Variants in NCOR2 observed in about 807,000 individuals in gnomAD.
The protein encoded by NCOR2 is nuclear receptor corepressor 2.
NCOR2 carries 81 observed loss-of-function variants against 262.9 expected under a neutral mutation model. That is an observed-to-expected ratio of 0.31 (90% CI 0.26 to 0.37). The LOEUF is 0.37. Ranked by LOEUF, NCOR2 falls within the 10% of genes least tolerant of loss-of-function variation. The pLI, the probability that NCOR2 is intolerant of heterozygous loss-of-function variation, is 1.00. For missense variants in NCOR2, 3,385 were observed against 3,621.4 expected, an observed-to-expected ratio of 0.93 and a Z score of 1.68; for synonymous variants, 1,659 against 1,559.3, an observed-to-expected ratio of 1.06 and a Z score of -1.51.
intron 11 of NCOR2, among the ~76,000 whole-genome samples, chr12:124,425,207 T>C (rs966340667): frequency 7.2e-5 from 11 of 152,108 alleles, no homozygotes; most frequent in Non-Finnish European, 1.2e-4. Flanking sequence ...ACCCCATCTC[T>C]ACTAAAAATA....
chr12:124,483,619 C>T lies in NCOR2; in HGVS notation c.388G>A (p.Ala130Thr). Residue 130 changes from alanine (A) to threonine (T), a missense_variant, in exon 3 of 47, where the codon GCG (alanine) becomes ACG (threonine). Physicochemically the swap from Ala to Thr is moderately conservative, Grantham distance 58 (BLOSUM62 0). Around this residue, in one of 5 missense-constraint regions of NCOR2, gnomAD observed 237 missense variants for 229.4 expected, o/e 1.03. Transcript: ENST00000405201. This position sits in a 1 kb window ranked among gnomAD's most constrained non-coding sequence, Gnocchi z 6.3. Reference sequence around the variant, plus strand: ...ACCTTGGTGAGGTCTTCAGATCCCGCAGGCTGGCCCGTGGCCAGCAGGGGT... The same window carrying T: ...ACCTTGGTGAGGTCTTCAGATCCCGTAGGCTGGCCCGTGGCCAGCAGGGGT... The T allele has an allele frequency of 6.2e-7, 1 of 1,606,716 alleles. No homozygotes were observed. The highest frequency in any genetic ancestry group is 8.5e-7 in the Non-Finnish European group (1 of 1,176,864).
At position 124,544,188 on chromosome 12, in the gene NCOR2, C is replaced by T. The variant is rs564037078; in HGVS notation, c.-164-8577G>A. Among the ~76,000 whole-genome samples the T allele has an allele frequency of 6.6e-5, 10 of 152,322 alleles. No homozygotes were observed. In the South Asian group the frequency reaches 1.7e-3, roughly 25 times the overall value. On this transcript the variant is annotated intron_variant, in intron 1 of 32. Coordinates refer to the NCOR2 transcript ENST00000458234. ...AGCTTCGGGAAACCTCTCTATGCCC[C>T]GCAGTGACCCTGTCTGTAAAAGAGG...
At position 124,374,481 on chromosome 12, in the gene NCOR2, AAG is replaced by A. The variant is rs1473651156; in HGVS notation, c.2168-20_2168-19del. On this transcript the variant is annotated intron_variant, in intron 18 of 46. Transcript: ENST00000405201. ...ATGTAAGGCTGGAAGGAAGTCAGAG[AAG>A]AGTTAGAAGTGAGGCAGCACCAAGT... 2 of 1,610,828 alleles carry A rather than the reference AAG, an allele frequency of 1.2e-6. No homozygotes were observed. Among genetic ancestry groups the A allele is most frequent in the East Asian group, 4.5e-5 (2 of 44,770 alleles).
chr12:124,405,481 G>C (rs1265810334), intron 13 of NCOR2, among the ~76,000 whole-genome samples: 1 of 152,232 alleles, frequency 6.6e-6, no homozygotes, highest in Non-Finnish European at 1.5e-5. Context: ...CTCACTTCCT[G>C]TGGCCTCAAC....
At chr12:124,339,615 C>T (rs1414978745) in intron 37 of NCOR2, among the ~76,000 whole-genome samples, 1 of 92,424 alleles carries the variant, frequency 1.1e-5, no homozygotes, top group Non-Finnish European at 2.8e-5. Context: ...GACCCACCTA[C>T]CCACCTAACC....
At chr12:124,484,453 C>A (rs1247802599) in intron 2 of NCOR2, among the ~76,000 whole-genome samples, 1 of 152,230 alleles carries the variant, frequency 6.6e-6, no homozygotes, top group Non-Finnish European at 1.5e-5. Context: ...GGACTCCTGG[C>A]CTCCACCTCT....
At position 124,457,189 on chromosome 12, in the gene NCOR2, AT is replaced by A; in HGVS notation, c.706-28del. On this transcript the variant is annotated intron_variant, in intron 5 of 46. Transcript: ENST00000405201. This position sits in a 1 kb window ranked among gnomAD's most constrained non-coding sequence, Gnocchi z 4.0. ...TGCAGGGTGATGGCGAAGAGGAGGA[AT>A]TTTTTTAAAAAACAAAAAAACACAG... 3 of 1,537,130 alleles carry A rather than the reference AT, an allele frequency of 2.0e-6. No individual in the cohort carries two copies. The highest frequency in any genetic ancestry group is 1.7e-6 in the Non-Finnish European group (2 of 1,152,806).
intron 13 of NCOR2, among the ~76,000 whole-genome samples, chr12:124,406,965 A>C (rs766417848): frequency 9.8e-5 from 15 of 152,350 alleles, no homozygotes; most frequent in Non-Finnish European, 1.5e-4. Context: ...GAATCCTCCC[A>C]ACAACTGGTA....
At chr12:124,388,571 G>T in intron 16 of NCOR2, 1 of 1,121,852 alleles carries the variant, frequency 8.9e-7, no homozygotes, top group East Asian at 5.9e-5. Flanking sequence ...TCCACTCCAG[G>T]GGCCCAGAAC....
At chr12:124,418,515 T>A (rs1381372209) in intron 13 of NCOR2, among the ~76,000 whole-genome samples, 1 of 152,136 alleles carries the variant, frequency 6.6e-6, no homozygotes, top group Non-Finnish European at 1.5e-5. Context: ...GGTGCCACTA[T>A]AGGGAGTACC....
chr12:124,433,261 GCTGACAGCCCCA>G lies in NCOR2; in HGVS notation c.883-2486_883-2475del, dbSNP rs1243122307. ...GCCACACGTGCTCGGGGCAGTGGCT[GCTGACAGCCCCA>G]GTGAGGGATGGGGACTGCAGGGACG... is the stretch of plus-strand genomic sequence containing the variant. On this transcript the variant is annotated intron_variant, in intron 8 of 46. Transcript: ENST00000405201. 4.4e-4 allele frequency among the ~76,000 whole-genome samples: 67 copies of G among 152,370 alleles called. 1 individual carries two copies. The highest frequency in any genetic ancestry group is 8.8e-5 in the Non-Finnish European group (6 of 68,030).
In NCOR2 at chr12:124,470,242, T is replaced by G. The variant is rs78998608; in HGVS notation, c.591+2710A>C. Among the ~76,000 whole-genome samples the G allele has an allele frequency of 1.6e-3, 246 of 151,290 alleles. 2 individuals carry two copies. Among genetic ancestry groups the G allele is most frequent in the African/African-American group, 5.8e-3 (241 of 41,226 alleles). On this transcript the variant is annotated intron_variant, in intron 4 of 46. Transcript: ENST00000405201. ...CAGGAAACCAGGAATCTTCATGCAT[T>G]GCTGGTAAGAATGTAAAATGGGGCA...
upstream of NCOR2, among the ~76,000 whole-genome samples, chr12:124,499,444 C>A (rs1489884847): frequency 1.3e-5 from 2 of 152,164 alleles, no homozygotes; most frequent in African/African-American, 4.8e-5. Context: ...AGGGGCTCTG[C>A]CCAGCCCTGG....
chr12:124,509,017 G>GAC (rs1452256393), intron 1 of NCOR2, among the ~76,000 whole-genome samples: 2 of 152,044 alleles, frequency 1.3e-5, no homozygotes, highest in African/African-American at 4.8e-5. Flanking sequence ...ACCCCAATGG[G>GAC]ACACACACAC....
intron 22 of NCOR2, among the ~76,000 whole-genome samples, chr12:124,359,144 G>A (rs140791219): frequency 3.3e-5 from 5 of 152,324 alleles, no homozygotes; most frequent in Admixed American, 1.3e-4. Context: ...CTGGCCTCTC[G>A]CCCTTTGCTG....
chr12:124,340,105 C>T (rs753298868), exon 37 of NCOR2: 55 of 1,612,616 alleles, frequency 3.4e-5, no homozygotes, highest in Admixed American at 8.3e-5. Context: ...ATCCTGGGTC[C>T]GAGGGGAGAT....
At position 124,549,106 on chromosome 12, in the gene NCOR2, T is replaced by A. The variant is rs1298311542; in HGVS notation, c.-164-13495A>T. On this transcript the variant is annotated intron_variant, in intron 1 of 32. Transcript: ENST00000458234. The surrounding 1 kb of genome is among the most constrained non-coding windows in gnomAD (Gnocchi z 4.4). ...GTCTATGGGGTAAATATTGTCAGGG[T>A]GGTTGGGATGCAGTGTGGCGCTGAG... 6.7e-6 allele frequency among the ~76,000 whole-genome samples: 1 copy of A among 149,674 alleles called. No homozygotes were observed. Among genetic ancestry groups the A allele is most frequent in the African/African-American group, 2.5e-5 (1 of 40,472 alleles).
chr12:124,357,299 C>T (rs2038028658), intron 22 of NCOR2, among the ~76,000 whole-genome samples: 1 of 152,164 alleles, frequency 6.6e-6, no homozygotes, highest in Admixed American at 6.5e-5. Context: ...AGGCGCCCAC[C>T]ACCGCACCAT....
chr12:124,549,449 G>GA lies in NCOR2; in HGVS notation c.-164-13839_-164-13838insT, dbSNP rs1308849057. 2.0e-5 allele frequency among the ~76,000 whole-genome samples: 3 copies of GA among 152,132 alleles called. No homozygotes were observed. Among genetic ancestry groups the GA allele is most frequent in the Non-Finnish European group, 4.4e-5 (3 of 68,004 alleles). On this transcript the variant is annotated intron_variant, in intron 1 of 32. Coordinates refer to the NCOR2 transcript ENST00000458234. This position sits in a 1 kb window ranked among gnomAD's most constrained non-coding sequence, Gnocchi z 4.4. ...ATCTCTGCTGAGCTGGCTCCTTGGG[G>GA]GCCTGGGGAGGAAGGCAACTGAGCC...
Sources: allele counts gnomAD v4.1 joint callset (sites outside exome capture counted in the v4.1 genomes callset), GRCh38; gene constraint gnomAD v4.1.1; regional missense constraint gnomAD v4.1.1; non-coding constraint Gnocchi (gnomAD v3.1); transcripts MANE v1.5; gene names NCBI Gene and HGNC (gene_info 2026-07-23, HGNC 2026-07-21).